MUC17: variants seen among roughly 807,000 people sequenced by gnomAD.
MUC17 encodes the protein mucin 17, cell surface associated.
In MUC17, 190 loss-of-function variants were observed where a neutral mutation model predicts 170.3. The ratio of observed to expected loss-of-function variants is 1.12; its 90% CI spans 0.99 to 1.26. The LOEUF (loss-of-function observed/expected upper bound fraction) is 1.26. MUC17 is among the 50% of genes most tolerant of loss of function. The pLI, the probability that MUC17 is intolerant of heterozygous loss-of-function variation, is 0.00. For synonymous variants in MUC17, 2,325 were observed against 2,002.5 expected (o/e 1.16, Z -4.30); for missense variants, 6,415 against 5,530.0 (o/e 1.16, Z -5.08).
intron 3 of MUC17, among the ~76,000 whole-genome samples, chr7:101,045,939 C>G (rs189838380): frequency 6.6e-6 from 1 of 152,288 alleles, no homozygotes; most frequent in East Asian, 1.9e-4. Flanking sequence ...CTCTTCTTCC[C>G]CAGAGATTGG....
At position 101,037,599 on chromosome 7, in the gene MUC17, T is replaced by C; in HGVS notation, c.6183T>C (p.Gly2061=). The change falls in exon 3 of 13, where the codon GGT becomes GGC. Residue 2061 remains glycine, a synonymous_variant. Coordinates refer to ENST00000306151, the MANE Select transcript of MUC17 (RefSeq NM_001040105.2). ...CTACGCTTGTGGTCAGTTCTGAGGGTAACACCCTTTCAACAACTCCTGTTG... is the reference window on the plus strand; with the variant it reads ...CTACGCTTGTGGTCAGTTCTGAGGGCAACACCCTTTCAACAACTCCTGTTG... ...VSTTLVVSSE[G]NTLSTTPVDS... The C allele has an allele frequency of 6.2e-7, 1 of 1,613,174 alleles. No individual in the cohort carries two copies. Among genetic ancestry groups the C allele is most frequent in the Non-Finnish European group, 8.5e-7 (1 of 1,179,760 alleles).
rs535851582 is a variant in MUC17 at position 101,033,927 on chromosome 7, G to C, written c.2511G>C (p.Val837=). The change falls in exon 3 of 13, where the codon GTG becomes GTC. Residue 837 remains valine (V), a synonymous_variant. Coordinates refer to ENST00000306151, the MANE Select transcript of MUC17 (RefSeq NM_001040105.2). ...CTCCTGTTGACTCCAACAGTCCTGT[G>C]ACCACTTCTACTGAAGTCAGTTCAT... The part of the protein sequence containing the change: ...STTPVDSNSP[V]TTSTEVSSSP... The C allele has an allele frequency of 5.0e-6, 8 of 1,613,224 alleles. No individual in the cohort carries two copies. The highest frequency in any genetic ancestry group is 6.8e-6 in the Non-Finnish European group (8 of 1,179,764).
rs1794601316 is a variant in MUC17 at position 101,039,223 on chromosome 7, A to G, written c.7807A>G (p.Ile2603Val). Residue 2603 changes from isoleucine (I) to valine (V), a missense_variant, in exon 3 of 13, where the codon ATA (isoleucine) becomes GTA (valine). Ile to Val is a conservative substitution (Grantham distance 29). Coordinates refer to ENST00000306151, the MANE Select transcript of MUC17 (RefSeq NM_001040105.2). ...TTCAACAACTCCTGTTGACACCAGC[A>G]TACCTGTCACCACTTCTACTGAAAC... ...TLSTTPVDTS[I>V]PVTTSTETSS... 1.2e-6 allele frequency: 2 copies of G among 1,613,692 alleles called. No homozygotes were observed. Among genetic ancestry groups the G allele is most frequent in the Non-Finnish European group, 1.7e-6 (2 of 1,179,774 alleles).
At chr7:101,023,691 C>T (rs1324163603) in intron 1 of MUC17, among the ~76,000 whole-genome samples, 3 of 152,228 alleles carry the variant, frequency 2.0e-5, no homozygotes, top group Non-Finnish European at 4.4e-5. Flanking sequence ...CAGGCATGAG[C>T]CACTGCCCCT....
rs747880677 is a variant in MUC17 at position 101,042,957 on chromosome 7, C to T, written c.11541C>T (p.Leu3847=). ...CTGGTGATACCAGCACACCTTTGCT[C>T]ACCTCTACCAAAGCCGGTTCATTCT... is the stretch of plus-strand genomic sequence containing the variant. ...TPPGDTSTPL[L]TSTKAGSFSI... Residue 3847 remains leucine (L), a synonymous_variant, in exon 3 of 13, where the codon CTC becomes CTT. Transcript: ENST00000306151. 2 of 1,614,144 alleles carry T rather than the reference C, an allele frequency of 1.2e-6. No individual in the cohort carries two copies. The highest frequency in any genetic ancestry group is 1.7e-6 in the Non-Finnish European group (2 of 1,180,044).
At position 101,036,693 on chromosome 7, in the gene MUC17, G is replaced by A. The variant is rs1247300431; in HGVS notation, c.5277G>A (p.Thr1759=). ...TAACAAGTATACCTGTCAGCACCACGCCGGTACTCAGTTCTGAGGCTAGCA... is the reference window on the plus strand; with the variant it reads ...TAACAAGTATACCTGTCAGCACCACACCGGTACTCAGTTCTGAGGCTAGCA... The part of the protein sequence containing the change: ...TPLTSIPVST[T]PVLSSEASTL... Residue 1759 remains threonine (T), a synonymous_variant, in exon 3 of 13, where the codon ACG becomes ACA. Coordinates refer to ENST00000306151, the MANE Select transcript of MUC17 (RefSeq NM_001040105.2). The A allele has an allele frequency of 3.7e-6, 6 of 1,609,668 alleles. No individual in the cohort carries two copies. Among genetic ancestry groups the A allele is most frequent in the Admixed American group, 1.7e-5 (1 of 59,606 alleles).
In MUC17 at chr7:101,048,774, C is replaced by T. The variant is rs1026046233; in HGVS notation, c.12536-71C>T. On this transcript the variant is annotated intron_variant, in intron 4 of 12. Transcript: ENST00000306151. Reference sequence around the variant, plus strand: ...AATACAATGGAGCTCACTCCCTCCACCCAGGCTGGGGGCAGATCTTCTGAG... The same window carrying T: ...AATACAATGGAGCTCACTCCCTCCATCCAGGCTGGGGGCAGATCTTCTGAG... The T allele has an allele frequency of 4.4e-6, 7 of 1,582,360 alleles. No homozygotes were observed. The African/African-American group carries it at 8.1e-5, about 18-fold the overall frequency.
chr7:101,029,269 T>C (rs1794235109), intron 1 of MUC17, among the ~76,000 whole-genome samples: 1 of 151,448 alleles, frequency 6.6e-6, no homozygotes, highest in African/African-American at 2.4e-5. Context: ...GGCAGGAGGA[T>C]TGCTTGAACC....
chr7:101,033,926 T>C lies in MUC17; in HGVS notation c.2510T>C (p.Val837Ala), dbSNP rs911338208. ...ACTCCTGTTGACTCCAACAGTCCTGTGACCACTTCTACTGAAGTCAGTTCA... is the reference window on the plus strand; with the variant it reads ...ACTCCTGTTGACTCCAACAGTCCTGCGACCACTTCTACTGAAGTCAGTTCA... ...STTPVDSNSP[V>A]TTSTEVSSSP... Residue 837 changes from valine (V) to alanine (A), a missense_variant, in exon 3 of 13, where the codon GTG (valine) becomes GCG (alanine). By Grantham distance (64) the Val-to-Ala change is moderately conservative. Transcript: ENST00000306151. 6.2e-6 allele frequency: 10 copies of C among 1,613,690 alleles called. No homozygotes were observed. In the Middle Eastern group the frequency reaches 4.9e-4, roughly 80 times the overall value.
At position 101,050,368 on chromosome 7, in the gene MUC17, G is replaced by A. The variant is rs576027694; in HGVS notation, c.12723-116G>A. The A allele has an allele frequency of 3.0e-5, 44 of 1,462,884 alleles. No individual in the cohort carries two copies. The African/African-American group carries it at 6.0e-4, about 20-fold the overall frequency. The allele number at this position is 1,462,884 out of a possible 1,614,324, so 90.6% of individuals were successfully genotyped here. The stretch of plus-strand genomic sequence containing the variant: ...CTAGGACAGAGTCATCACCCCAACT[G>A]TCCTGCCCCCAGCTCTGCCTTCCCT... On this transcript the variant is annotated intron_variant, in intron 6 of 12. Transcript: ENST00000306151.
rs150427985 is a variant in MUC17 at position 101,029,296 on chromosome 7, C to T, written c.83-1824C>T. Reference sequence around the variant, plus strand: ...GCTTGAACCTGGGAGGCAGAGGTTGCAGTGAGCAGAGATCGCGCCACTGCA... The same window carrying T: ...GCTTGAACCTGGGAGGCAGAGGTTGTAGTGAGCAGAGATCGCGCCACTGCA... On this transcript the variant is annotated intron_variant, in intron 1 of 12. Coordinates refer to ENST00000306151, the MANE Select transcript of MUC17 (RefSeq NM_001040105.2). Among the ~76,000 whole-genome samples the T allele has an allele frequency of 4.3e-3, 658 of 151,480 alleles. 1 individual carries two copies. Among genetic ancestry groups the T allele is most frequent in the Admixed American group, 5.7e-3 (87 of 15,224 alleles).
At chr7:101,025,661 A>T (rs999394508) in intron 1 of MUC17, among the ~76,000 whole-genome samples, 1 of 151,562 alleles carries the variant, frequency 6.6e-6, no homozygotes, top group African/African-American at 2.4e-5. Context: ...AGGTGTAGTT[A>T]TGTGCCCCTG....
At chr7:101,057,946 C>T in intron 12 of MUC17, 57 bp from the exon 13 acceptor site, 3 of 1,518,502 alleles carry the variant, frequency 2.0e-6, no homozygotes, top group Non-Finnish European at 2.7e-6. Flanking sequence ...CTTATGCTTC[C>T]AGAATCCCAA....
Position 101,034,417 on chromosome 7 carries a change from A to G in MUC17, c.3001A>G (p.Ser1001Gly). Reference protein sequence around the residue: ...SHTLVANSEASTLSTTPVDSN... With the variant: ...SHTLVANSEAGTLSTTPVDSN... ...CACGCTGGTGGCCAATTCTGAGGCT[A>G]GCACCCTTTCAACAACTCCTGTTGA... The change falls in exon 3 of 13, where the codon AGC becomes GGC. Residue 1001 changes from serine (S) to glycine (G), a missense_variant. Transcript: ENST00000306151. The G allele has an allele frequency of 6.2e-7, 1 of 1,608,024 alleles. No homozygotes were observed.
At chr7:101,057,136 T>C (rs960536343) in intron 12 of MUC17, among the ~76,000 whole-genome samples, 2 of 152,208 alleles carry the variant, frequency 1.3e-5, no homozygotes, top group African/African-American at 4.8e-5. Flanking sequence ...TTTTGTTATA[T>C]CATAGATAAT....
At position 101,036,236 on chromosome 7, in the gene MUC17, C is replaced by T; in HGVS notation, c.4820C>T (p.Ser1607Phe). The T allele has an allele frequency of 6.2e-7, 1 of 1,614,066 alleles. No individual in the cohort carries two copies. ...GACTCCAAAACTCAGGTGACCGCTTCTACTGAAGCCAGTTCATCTACAACC... is the reference window on the plus strand; with the variant it reads ...GACTCCAAAACTCAGGTGACCGCTTTTACTGAAGCCAGTTCATCTACAACC... ...PIDSKTQVTA[S>F]TEASSSTTAE... is the part of the protein sequence containing the mutation. Residue 1607 changes from serine (S) to phenylalanine (F), a missense_variant, in exon 3 of 13, where the codon TCT becomes TTT. Coordinates refer to ENST00000306151, the MANE Select transcript of MUC17 (RefSeq NM_001040105.2).
chr7:101,053,095 A>G lies in MUC17; in HGVS notation c.13213A>G (p.Ile4405Val), dbSNP rs753997575. 1 of 1,614,084 alleles carries G rather than the reference A, an allele frequency of 6.2e-7. No homozygotes were observed. Among genetic ancestry groups the G allele is most frequent in the Non-Finnish European group, 8.5e-7 (1 of 1,180,006 alleles). ...VGAGVVLMLI[I>V]LVALLMLVFR... The stretch of plus-strand genomic sequence containing the variant: ...GGCAGGGGTCGTGCTGATGCTGATC[A>G]TCCTGGTAGCTCTCCTGATGCTCGT... The change falls in exon 10 of 13, where the codon ATC (isoleucine) becomes GTC (valine). Residue 4405 changes from isoleucine to valine, a missense_variant. Transcript: ENST00000306151.
At chr7:101,043,878 A>C in intron 3 of MUC17, 59 bp downstream of exon 3, 3 of 1,491,110 alleles carry the variant, frequency 2.0e-6, no homozygotes, top group Non-Finnish European at 2.7e-6. Context: ...TCTAGGGTAC[A>C]TGTGCACAAC....
At chr7:101,020,294 G>T in intron 1 of MUC17, 77 bp downstream of exon 1, 1 of 1,302,346 alleles carries the variant, frequency 7.7e-7, no homozygotes, top group Non-Finnish European at 1.1e-6. Context: ...CCATCCCCGA[G>T]GGAGAGCTGC....
Sources: gnomAD v4.1 joint callset for allele counts (sites outside exome capture counted in the v4.1 genomes callset) on GRCh38, gnomAD v4.1.1 for gene constraint, MANE v1.5 for transcripts, NCBI Gene and HGNC (gene_info 2026-07-23, HGNC 2026-07-21) for gene names.